Variants in MAP3K5 observed in about 807,000 individuals in gnomAD.
MAP3K5 encodes ASK-1.
A neutral mutation model predicts 158.7 loss-of-function variants in MAP3K5; 56 were observed. The observed-to-expected ratio is 0.35, with a 90% confidence interval of 0.28 to 0.44. The LOEUF (loss-of-function observed/expected upper bound fraction) is 0.44, where lower values mean the gene tolerates loss of function less well. Ranked by LOEUF, MAP3K5 falls within the 20% of genes least tolerant of loss-of-function variation. The probability of loss-of-function intolerance (pLI) is 1.00; values close to 1 mark genes in which losing one functional copy is unlikely to be tolerated. For synonymous variants in MAP3K5, 579 were observed against 601.7 expected (o/e 0.96, Z 0.55); for missense variants, 1,294 against 1,674.8 (o/e 0.77, Z 3.97).
intron 1 of MAP3K5, among the ~76,000 whole-genome samples, chr6:136,758,395 C>T (rs190256382): frequency 1.2e-4 from 19 of 152,292 alleles, no homozygotes; most frequent in Admixed American, 7.8e-4. Context: ...GAAAACTGAA[C>T]GAAAATGACA....
At chr6:136,658,255 G>A (rs1470151093) in intron 9 of MAP3K5, among the ~76,000 whole-genome samples, 5 of 150,468 alleles carry the variant, frequency 3.3e-5, no homozygotes, top group Admixed American at 6.6e-5. Context: ...ATGGTTAATC[G>A]CTACATGTGA....
intron 12 of MAP3K5, among the ~76,000 whole-genome samples, chr6:136,641,763 C>T (rs764940759): frequency 2.4e-4 from 36 of 151,068 alleles, no homozygotes; most frequent in Admixed American, 4.0e-4. Flanking sequence ...CCTACACGGG[C>T]GGATCACTGA....
intron 1 of MAP3K5, among the ~76,000 whole-genome samples, chr6:136,755,281 T>G (rs1480016897): frequency 6.6e-6 from 1 of 152,126 alleles, no homozygotes. Flanking sequence ...TAGATCCTCA[T>G]GCACAACTCA....
chr6:136,674,402 T>C (rs755141082), intron 7 of MAP3K5, among the ~76,000 whole-genome samples: 1 of 151,950 alleles, frequency 6.6e-6, no homozygotes, highest in African/African-American at 2.4e-5. Context: ...AGGTAGACTA[T>C]AAAAGTCGAG....
At chr6:136,611,178 C>A in intron 18 of MAP3K5, 104 bp downstream of exon 18, 54 of 364,552 alleles carry the variant, frequency 1.5e-4, no homozygotes, top group East Asian at 2.4e-4. Flanking sequence ...ACCAACATTA[C>A]TGTGTGTGAG....
chr6:136,789,416 C>T (rs1195623300), intron 1 of MAP3K5, among the ~76,000 whole-genome samples: 2 of 152,162 alleles, frequency 1.3e-5, no homozygotes, highest in African/African-American at 2.4e-5. Flanking sequence ...GGGCACTCAT[C>T]CTGGGAGTTC....
chr6:136,742,307 A>G (rs1782743726), intron 1 of MAP3K5, among the ~76,000 whole-genome samples: 1 of 152,190 alleles, frequency 6.6e-6, no homozygotes, highest in Non-Finnish European at 1.5e-5. Flanking sequence ...AACAGAATAG[A>G]AGCCCCAGAA....
intron 25 of MAP3K5, among the ~76,000 whole-genome samples, chr6:136,573,215 A>G (rs1270634953): frequency 6.6e-6 from 1 of 152,232 alleles, no homozygotes; most frequent in African/African-American, 2.4e-5. Flanking sequence ...TAGAACAAAA[A>G]GATGGAGAAA....
At chr6:136,670,907 C>T (rs1779454820) in intron 7 of MAP3K5, among the ~76,000 whole-genome samples, 1 of 152,076 alleles carries the variant, frequency 6.6e-6, no homozygotes, top group Non-Finnish European at 1.5e-5. Flanking sequence ...CAGAAGTATA[C>T]ATGTTTCCAT....
intron 1 of MAP3K5, among the ~76,000 whole-genome samples, chr6:136,770,408 T>C (rs142266779): frequency 2.0e-5 from 3 of 152,344 alleles, no homozygotes; most frequent in Non-Finnish European, 4.4e-5. Context: ...GACCATGCCA[T>C]GACCAAATAC....
chr6:136,599,558 G>C (rs997897336), intron 21 of MAP3K5, among the ~76,000 whole-genome samples: 1 of 152,056 alleles, frequency 6.6e-6, no homozygotes, highest in African/African-American at 2.4e-5. Flanking sequence ...AGTTAAATGC[G>C]TGTGTGTGAT....
intron 25 of MAP3K5, among the ~76,000 whole-genome samples, chr6:136,575,161 A>ATT (rs60443578): frequency 0.011 from 1,368 of 127,424 alleles, 21 homozygotes; most frequent in East Asian, 0.042. Context: ...ATACAATACT[A>ATT]TTTTTTTTTT....
chr6:136,728,770 T>C (rs777413996), intron 1 of MAP3K5, among the ~76,000 whole-genome samples: 11 of 152,306 alleles, frequency 7.2e-5, no homozygotes, highest in Middle Eastern at 3.4e-3. Context: ...TTTGGTGACA[T>C]TGTATTACAC....
In MAP3K5 at chr6:136,560,928, C is replaced by A. The variant is rs146650055; in HGVS notation, c.3987+605G>T. On this transcript the variant is annotated intron_variant, in intron 28 of 29. Transcript: ENST00000359015. Reference sequence around the variant, plus strand: ...CTGCCCTCCAGCCAGGGTAACAGAGCGAGACCTTGTCTCCAAAAAAATATA... The same window carrying A: ...CTGCCCTCCAGCCAGGGTAACAGAGAGAGACCTTGTCTCCAAAAAAATATA... Among the ~76,000 whole-genome samples, 5 of 139,110 alleles carry A rather than the reference C, an allele frequency of 3.6e-5. No individual in the cohort carries two copies. The South Asian group carries it at 8.5e-4, about 24-fold the overall frequency. 91.3% of individuals were successfully genotyped at this position (139,110 alleles called of 152,430 possible). A position where few individuals can be genotyped will look rare whatever the true frequency, so the allele number is the denominator to read the frequency against.
rs937500849 is a variant in MAP3K5 at position 136,609,781 on chromosome 6, C to A, written c.2521+1501G>T. 2.6e-5 allele frequency among the ~76,000 whole-genome samples: 4 copies of A among 151,280 alleles called. No individual in the cohort carries two copies. The highest frequency in any genetic ancestry group is 5.9e-5 in the Non-Finnish European group (4 of 67,870). ...CTGTACTTCAGCCTGGGTTACAGAG[C>A]GAGAACCCATCTCAAAAGAAAAAAC... On this transcript the variant is annotated intron_variant, in intron 18 of 29. Transcript: ENST00000359015. This position sits in a 1 kb window ranked among gnomAD's most constrained non-coding sequence, Gnocchi z 4.4.
chr6:136,741,268 AT>A (rs1251724694), intron 1 of MAP3K5, among the ~76,000 whole-genome samples: 1 of 152,170 alleles, frequency 6.6e-6, no homozygotes, highest in African/African-American at 2.4e-5. Flanking sequence ...CCATTTTGGT[AT>A]TTCACTCTAA....
intron 1 of MAP3K5, among the ~76,000 whole-genome samples, chr6:136,748,223 T>C (rs1466978035): frequency 6.6e-6 from 1 of 152,178 alleles, no homozygotes; most frequent in Non-Finnish European, 1.5e-5. Flanking sequence ...ATTATCTTGG[T>C]TGACAAGCTT....
intron 2 of MAP3K5, among the ~76,000 whole-genome samples, chr6:136,709,427 A>G (rs1054306479): frequency 6.6e-6 from 1 of 152,108 alleles, no homozygotes; most frequent in Non-Finnish European, 1.5e-5. Context: ...GCTTTTGCCT[A>G]AAGGGCTCTC....
At chr6:136,697,078 G>T in intron 5 of MAP3K5, 141 bp downstream of exon 5, 1 of 525,348 alleles carries the variant, frequency 1.9e-6, no homozygotes, top group Non-Finnish European at 3.2e-6. Context: ...AAAATTATAG[G>T]ATGGAAAGCT....
Sources: allele counts gnomAD v4.1 joint callset (sites outside exome capture counted in the v4.1 genomes callset), GRCh38; gene constraint gnomAD v4.1.1; non-coding constraint Gnocchi (gnomAD v3.1); transcripts MANE v1.5; gene names NCBI Gene and HGNC (gene_info 2026-07-23, HGNC 2026-07-21).